Variants in TTLL4 observed in about 807,000 individuals in gnomAD.
The protein encoded by TTLL4 is tubulin monoglutamylase TTLL4.
TTLL4 carries 85 observed loss-of-function variants against 122.7 expected under a neutral mutation model. The observed-to-expected ratio is 0.69, with a 90% CI of 0.58 to 0.83. The LOEUF is 0.83. TTLL4 is among the 40% of genes least tolerant of loss of function. The pLI, the probability that TTLL4 is intolerant of heterozygous loss-of-function variation, is 0.00. For missense variants in TTLL4, 1,363 were observed against 1,488.6 expected (o/e 0.92, Z 1.39); for synonymous variants, 553 against 563.0 (o/e 0.98, Z 0.25).
chr2:218,721,591 G>A (rs192737509), intron 1 of TTLL4, among the ~76,000 whole-genome samples: 2 of 152,312 alleles, frequency 1.3e-5, no homozygotes, highest in East Asian at 3.9e-4. Flanking sequence ...TTGATGACCA[G>A]AGGTGAAATA....
intron 2 of TTLL4, among the ~76,000 whole-genome samples, chr2:218,734,711 T>G (rs938801225): frequency 1.4e-4 from 21 of 152,274 alleles, no homozygotes; most frequent in African/African-American, 4.6e-4. Context: ...CTCCTACCAC[T>G]TTGGTATGTC....
intron 19 of TTLL4, 58 bp from the exon 20 acceptor site, chr2:218,754,076 G>A (rs1575186694): frequency 6.2e-7 from 1 of 1,604,966 alleles, no homozygotes; most frequent in East Asian, 2.2e-5. Flanking sequence ...CAAATCCTAA[G>A]GTAAAGTCTC....
intron 5 of TTLL4, 111 bp from the exon 6 acceptor site, chr2:218,744,998 G>C (rs1333317015): frequency 3.5e-6 from 5 of 1,448,772 alleles, no homozygotes; most frequent in Non-Finnish European, 4.7e-6. Flanking sequence ...TGGCTTTTTA[G>C]AATCACAAGT....
At chr2:218,714,653 G>C (rs1941806668) in intron 1 of TTLL4, among the ~76,000 whole-genome samples, 1 of 151,878 alleles carries the variant, frequency 6.6e-6, no homozygotes, top group Non-Finnish European at 1.5e-5. Flanking sequence ...CTCTAGACCG[G>C]CAGTGCTCAG....
chr2:218,751,859 A>AT, intron 16 of TTLL4, 53 bp downstream of exon 16: 1 of 1,310,800 alleles, frequency 7.6e-7, no homozygotes, highest in South Asian at 1.4e-5. Flanking sequence ...CTGGTCAAAC[A>AT]TTTGGGACCC....
intron 2 of TTLL4, among the ~76,000 whole-genome samples, chr2:218,730,528 TAAATA>T (rs1942352394): frequency 1.3e-5 from 2 of 150,992 alleles, no homozygotes; most frequent in African/African-American, 2.4e-5. Context: ...AATAAATAAA[TAAATA>T]AAATAAAAAA....
At chr2:218,749,501 C>G in intron 14 of TTLL4, 114 bp downstream of exon 14, 2 of 1,428,862 alleles carry the variant, frequency 1.4e-6, no homozygotes, top group Non-Finnish European at 1.9e-6. Context: ...TGGAGTCTCG[C>G]TCTGTCTCCC....
At chr2:218,725,631 C>A (rs1407525591) in intron 1 of TTLL4, among the ~76,000 whole-genome samples, 1 of 152,014 alleles carries the variant, frequency 6.6e-6, no homozygotes, top group African/African-American at 2.4e-5. Flanking sequence ...TCTCGGCTCA[C>A]CGCAACCTCC....
In TTLL4 at chr2:218,747,474, T is replaced by C; in HGVS notation, c.2249+102T>C. On this transcript the variant is annotated intron_variant, in intron 10 of 19. Coordinates refer to ENST00000392102, the MANE Select transcript of TTLL4 (RefSeq NM_014640.5). This position sits in a 1 kb window ranked among gnomAD's most constrained non-coding sequence, Gnocchi z 4.7. ...CCCTTTGTTCTCCCAGCCAAAGAGC[T>C]TCCTTAGCCAACTGTTCTAAGGTCT... 1 of 1,565,800 alleles carries C rather than the reference T, an allele frequency of 6.4e-7. No homozygotes were observed. Among genetic ancestry groups the C allele is most frequent in the Non-Finnish European group, 8.7e-7 (1 of 1,151,554 alleles).
chr2:218,745,196 T>TC lies in TTLL4; in HGVS notation c.1754dup (p.Thr586TyrfsTer9), dbSNP rs1170236557. ...TCATCTACAGTCTCTTTCCCAACGT[T>TC]CCCCCTACCATCTATTTTGGCACTC... On this transcript the variant is annotated frameshift_variant, in exon 6 of 20. Transcript: ENST00000392102. LOFTEE classifies it high-confidence loss of function. 1.7e-5 allele frequency: 28 copies of TC among 1,613,964 alleles called. No homozygotes were observed. The highest frequency in any genetic ancestry group is 2.3e-5 in the Non-Finnish European group (27 of 1,179,956).
chr2:218,738,647 G>A lies in TTLL4; in HGVS notation c.971G>A (p.Ser324Asn). The change falls in exon 3 of 20, where the codon AGC (serine) becomes AAC (asparagine). Residue 324 changes from serine to asparagine, a missense_variant. By Grantham distance (46) the Ser-to-Asn change is conservative (BLOSUM62 1). Around this residue, in one of 3 missense-constraint regions of TTLL4, gnomAD observed 760 missense variants for 808.4 expected, o/e 0.94. Coordinates refer to ENST00000392102, the MANE Select transcript of TTLL4 (RefSeq NM_014640.5). ...AEPLSCALDD[S>N]SDSQDPTKEI... ...CCACTTTCCTGTGCTCTGGATGACA[G>A]CTCTGATTCCCAGGATCCAACTAAG... 1 of 1,614,216 alleles carries A rather than the reference G, an allele frequency of 6.2e-7. No individual in the cohort carries two copies. Among genetic ancestry groups the A allele is most frequent in the South Asian group, 1.1e-5 (1 of 91,086 alleles).
rs759601994 is a variant in TTLL4, at chr2:218,751,718, C to T, written c.2888C>T (p.Pro963Leu). 1.9e-5 allele frequency: 30 copies of T among 1,612,994 alleles called. No individual in the cohort carries two copies. In the Middle Eastern group the frequency reaches 6.6e-4, roughly 35 times the overall value. The change falls in exon 16 of 20, where the codon CCT becomes CTT. Residue 963 changes from proline to leucine, a missense_variant. Around this residue, in one of 3 missense-constraint regions of TTLL4, gnomAD observed 596 missense variants for 655.8 expected, o/e 0.91. Transcript: ENST00000392102. ...CTCTGCCGTAGCCTGCCCACCTCCC[C>T]TGGGGACAAATGTCGAATGGCTCCA... ...SSSTTSLPTS[P>L]GDKCRMAPEH...
chr2:218,712,423 G>A (rs1169717321), intron 1 of TTLL4, among the ~76,000 whole-genome samples: 1 of 149,062 alleles, frequency 6.7e-6, no homozygotes, highest in African/African-American at 2.5e-5. Context: ...GTCTTGCTCC[G>A]TCACCCAGGC....
chr2:218,726,980 T>G (rs977600885), intron 1 of TTLL4, among the ~76,000 whole-genome samples: 1 of 152,078 alleles, frequency 6.6e-6, no homozygotes, highest in Non-Finnish European at 1.5e-5. Flanking sequence ...GGCTAATTTT[T>G]GTACTTTTAA....
intron 2 of TTLL4, among the ~76,000 whole-genome samples, chr2:218,733,558 C>T (rs905400008): frequency 2.0e-5 from 3 of 152,144 alleles, no homozygotes; most frequent in Non-Finnish European, 4.4e-5. Context: ...GACACAAATG[C>T]AAACCATATA....
In TTLL4 at chr2:218,711,636, G is replaced by A. The variant is rs183991274; in HGVS notation, c.-178+599G>A. On this transcript the variant is annotated intron_variant, in intron 1 of 19. Coordinates refer to ENST00000392102, the MANE Select transcript of TTLL4 (RefSeq NM_014640.5). ...TGGGAGGGATTGAGGGGATAGAGTG[G>A]CTAATAGGACAAGCATGTTTTCACG... Among the ~76,000 whole-genome samples, 44 of 152,222 alleles carry A rather than the reference G, an allele frequency of 2.9e-4. No individual in the cohort carries two copies. The East Asian group carries it at 6.8e-3, about 23-fold the overall frequency.
intron 4 of TTLL4, 53 bp from the exon 5 acceptor site, chr2:218,740,468 G>C: frequency 6.3e-7 from 1 of 1,593,598 alleles, no homozygotes; most frequent in Non-Finnish European, 8.6e-7. Flanking sequence ...GGCTTGGTAA[G>C]TTTGTGCTGC....
At chr2:218,746,907 C>G in intron 8 of TTLL4, 96 bp from the exon 9 acceptor site, 1 of 1,362,774 alleles carries the variant, frequency 7.3e-7, no homozygotes, top group Non-Finnish European at 1.0e-6. Flanking sequence ...GCTTGGAGTG[C>G]TGCTAAAGAA....
In TTLL4 at chr2:218,753,628, G is replaced by A; in HGVS notation, c.3303G>A (p.Val1101=). Residue 1101 remains valine (V), a synonymous_variant, in exon 19 of 20, where the codon GTG becomes GTA. Coordinates refer to ENST00000392102, the MANE Select transcript of TTLL4 (RefSeq NM_014640.5). ...TTCTGACTATCTCAAAGGATGACGT[G>A]ATACTCAATGCCTTCAGCAAATCAG... ...TSLLTISKDD[V]ILNAFSKSET... is the part of the protein sequence containing the mutation. 6.2e-7 allele frequency: 1 copy of A among 1,614,164 alleles called. No individual in the cohort carries two copies. The highest frequency in any genetic ancestry group is 8.5e-7 in the Non-Finnish European group (1 of 1,180,036).
Sources: allele counts gnomAD v4.1 joint callset (sites outside exome capture counted in the v4.1 genomes callset), GRCh38; gene constraint gnomAD v4.1.1; regional missense constraint gnomAD v4.1.1; non-coding constraint Gnocchi (gnomAD v3.1); transcripts MANE v1.5; gene names NCBI Gene and HGNC (gene_info 2026-07-23, HGNC 2026-07-21).